The following PYGO1 variants were observed in gnomAD, a reference collection of about 807,000 sequenced individuals.
The protein encoded by PYGO1 is pygopus family PHD finger 1.
A neutral mutation model predicts 29.5 loss-of-function variants in PYGO1; 6 were observed. The observed-to-expected ratio is 0.20, with a 90% CI of 0.11 to 0.40. The LOEUF is 0.40. PYGO1 is among the 10% of genes least tolerant of loss of function. The pLI is 1.00. For missense variants in PYGO1, 515 were observed against 514.9 expected, an observed-to-expected ratio of 1.00 and a Z score of 0.00; for synonymous variants, 186 against 180.5, an observed-to-expected ratio of 1.03 and a Z score of -0.24.
chr15:55,556,755 C>T (rs998677754), intron 1 of PYGO1, among the ~76,000 whole-genome samples: 2 of 148,226 alleles, frequency 1.3e-5, no homozygotes, highest in East Asian at 4.0e-4. Flanking sequence ...GCTAGCTAGA[C>T]TAATAAAGAA....
chr15:55,551,805 T>TA (rs1373401162), intron 1 of PYGO1, among the ~76,000 whole-genome samples: 5 of 151,170 alleles, frequency 3.3e-5, no homozygotes, highest in Non-Finnish European at 1.5e-5. Context: ...AGACCCCAAC[T>TA]AAAAAAAAGA....
intron 1 of PYGO1, among the ~76,000 whole-genome samples, chr15:55,584,245 G>T (rs754665002): frequency 2.0e-5 from 3 of 151,382 alleles, no homozygotes; most frequent in Admixed American, 6.6e-5. Context: ...AGCCTCCCAC[G>T]TAGCTAAGAC....
chr15:55,588,690 G>A (rs1200530187), upstream of PYGO1: 2 of 1,177,032 alleles, frequency 1.7e-6, no homozygotes, highest in East Asian at 2.6e-5. Flanking sequence ...CCGACCCCGC[G>A]GCCGACGCTA....
chr15:55,588,921 T>C (rs2059062751), upstream of PYGO1: 2 of 1,401,602 alleles, frequency 1.4e-6, no homozygotes, highest in Non-Finnish European at 2.0e-6. Flanking sequence ...GTAGAATGCC[T>C]CCACTTGGTA....
chr15:55,546,662 T>A lies in PYGO1; in HGVS notation c.621A>T (p.Gly207=). 6.2e-7 allele frequency: 1 copy of A among 1,614,010 alleles called. No individual in the cohort carries two copies. Among genetic ancestry groups the A allele is most frequent in the Non-Finnish European group, 8.5e-7 (1 of 1,179,980 alleles). Residue 207 remains glycine (G), a synonymous_variant, in exon 3 of 3, where the codon GGA becomes GGT. Transcript: ENST00000563719. ...ACGGAGAAGTAAAATTTGAATTATT[T>A]CCAGGAACAAAATTAGATGCCAAAT... ...NPDLASNFVP[G]NNSNFTSPLE...
At chr15:55,569,632 T>G (rs1157900600) in intron 1 of PYGO1, among the ~76,000 whole-genome samples, 1 of 152,222 alleles carries the variant, frequency 6.6e-6, no homozygotes, top group Non-Finnish European at 1.5e-5. Context: ...GGTACTTCTA[T>G]GTTTATTCCA....
chr15:55,547,103 A>C lies in PYGO1; in HGVS notation c.180T>G (p.Asn60Lys), dbSNP rs1174100696. The C allele has an allele frequency of 6.2e-7, 1 of 1,611,056 alleles. No homozygotes were observed. Among genetic ancestry groups the C allele is most frequent in the East Asian group, 2.2e-5 (1 of 44,868 alleles). Residue 60 changes from asparagine (N) to lysine (K), a missense_variant, in exon 3 of 3, where the codon AAT becomes AAG. Physicochemically the swap from Asn to Lys is moderately conservative, Grantham distance 94. Coordinates refer to ENST00000563719, the MANE Select transcript of PYGO1 (RefSeq NM_001367806.1). ...CAGCCACTAGATGGTCAGAGTTTGG[A>C]TTCGGTGGTGGAGCATACTCAGACA... ...PPLSEYAPPP[N>K]PNSDHLVAAN...
intron 1 of PYGO1, among the ~76,000 whole-genome samples, chr15:55,564,370 C>CT (rs1316579925): frequency 6.6e-6 from 1 of 152,144 alleles, no homozygotes; most frequent in African/African-American, 2.4e-5. Context: ...ATGGGAAAAT[C>CT]TTTAGAGACA....
chr15:55,586,372 C>G (rs936972104), intron 1 of PYGO1, among the ~76,000 whole-genome samples: 1 of 152,146 alleles, frequency 6.6e-6, no homozygotes, highest in Non-Finnish European at 1.5e-5. Context: ...CTCTGCAGAC[C>G]TTTTCTCAGA....
intron 1 of PYGO1, among the ~76,000 whole-genome samples, chr15:55,584,691 T>C (rs1279134172): frequency 6.6e-6 from 1 of 152,200 alleles, no homozygotes; most frequent in Non-Finnish European, 1.5e-5. Context: ...GCAAGGCAAA[T>C]AAGATAATCA....
At chr15:55,550,805 T>G (rs2058875680) in intron 1 of PYGO1, among the ~76,000 whole-genome samples, 1 of 152,214 alleles carries the variant, frequency 6.6e-6, no homozygotes, top group African/African-American at 2.4e-5. Flanking sequence ...TTGCTGATTA[T>G]ATTTGCTGAT....
At chr15:55,577,056 T>G (rs2059006053) in intron 1 of PYGO1, among the ~76,000 whole-genome samples, 1 of 151,892 alleles carries the variant, frequency 6.6e-6, no homozygotes, top group Non-Finnish European at 1.5e-5. Flanking sequence ...AAGGAAGAGT[T>G]CTGTTGAATT....
rs2058926352 is a variant in PYGO1 at position 55,560,076 on chromosome 15, CATACTGAA to C, written c.50-11089_50-11082del. 3.3e-5 allele frequency among the ~76,000 whole-genome samples: 5 copies of C among 152,182 alleles called. No individual in the cohort carries two copies. The South Asian group carries it at 1.0e-3, about 32-fold the overall frequency. ...ATATGACAAACCCACAGCTGATTAT[CATACTGAA>C]TGGGCAAAAGCTGGAAGCATTCCCC... On this transcript the variant is annotated intron_variant, in intron 1 of 2. Coordinates refer to ENST00000563719, the MANE Select transcript of PYGO1 (RefSeq NM_001367806.1).
In PYGO1 at chr15:55,545,717, A is replaced by G. The variant is rs2058846476; in HGVS notation, c.*306T>C. On this transcript the variant is annotated 3_prime_UTR_variant, in exon 3 of 3. Transcript: ENST00000563719. ...TTTTTCAATGATTCTAACTTTTAAAAGTTAAAACTTGCCTACATTTGTTAT... is the reference window on the plus strand; with the variant it reads ...TTTTTCAATGATTCTAACTTTTAAAGGTTAAAACTTGCCTACATTTGTTAT... 1 of 217,338 alleles carries G rather than the reference A, an allele frequency of 4.6e-6. No homozygotes were observed. Among genetic ancestry groups the G allele is most frequent in the Non-Finnish European group, 9.0e-6 (1 of 110,836 alleles). 13.5% of individuals were successfully genotyped at this position (217,338 alleles called of 1,614,324 possible).
At chr15:55,554,942 T>C (rs1294419064) in intron 1 of PYGO1, among the ~76,000 whole-genome samples, 1 of 152,068 alleles carries the variant, frequency 6.6e-6, no homozygotes, top group Non-Finnish European at 1.5e-5. Flanking sequence ...TACTTCAGGA[T>C]ATCATCCAGG....
chr15:55,565,111 T>C (rs950777883), intron 1 of PYGO1, among the ~76,000 whole-genome samples: 1 of 152,168 alleles, frequency 6.6e-6, no homozygotes, highest in African/African-American at 2.4e-5. Flanking sequence ...ATGTAATTAG[T>C]TCAGGTCCGC....
intron 1 of PYGO1, among the ~76,000 whole-genome samples, chr15:55,580,138 A>T (rs563439989): frequency 6.6e-6 from 1 of 152,342 alleles, no homozygotes; most frequent in Non-Finnish European, 1.5e-5. Context: ...TCATGAACGA[A>T]GTCAGGCAAA....
In PYGO1 at chr15:55,587,889, A is replaced by G; in HGVS notation, c.-6T>C. On this transcript the variant is annotated 5_prime_UTR_variant, in exon 1 of 3. Coordinates refer to ENST00000563719, the MANE Select transcript of PYGO1 (RefSeq NM_001367806.1). The stretch of plus-strand genomic sequence containing the variant: ...TTCTCCTGTTCTGCTGACATTACAG[A>G]CCGCAAAGCATGACTCCCCCCCAGG... The G allele has an allele frequency of 1.4e-6, 2 of 1,475,032 alleles. No homozygotes were observed. Among genetic ancestry groups the G allele is most frequent in the Non-Finnish European group, 1.8e-6 (2 of 1,113,316 alleles). The allele number at this position is 1,475,032 out of a possible 1,614,324, so 91.4% of individuals were successfully genotyped here. A position where few individuals can be genotyped will look rare whatever the true frequency, so the allele number is the denominator to read the frequency against.
At chr15:55,580,576 C>T (rs1437449732) in intron 1 of PYGO1, among the ~76,000 whole-genome samples, 2 of 152,166 alleles carry the variant, frequency 1.3e-5, no homozygotes. Flanking sequence ...CATTATTATT[C>T]TCACTTTGCA....
Sources: allele counts gnomAD v4.1 joint callset (sites outside exome capture counted in the v4.1 genomes callset), GRCh38; gene constraint gnomAD v4.1.1; transcripts MANE v1.5; gene names NCBI Gene and HGNC (gene_info 2026-07-23, HGNC 2026-07-21).